SOST: variants seen among roughly 807,000 people sequenced by gnomAD.
SOST encodes the protein sclerostin, also known as sclerosteosis.
Under a neutral mutation model 16.7 loss-of-function variants are expected in SOST, and 14 were observed. The ratio of observed to expected loss-of-function variants is 0.84; its 90% confidence interval spans 0.55 to 1.31. The LOEUF is 1.31. Ranked by LOEUF, SOST falls within the 50% of genes most tolerant of loss-of-function variation. The pLI, the probability that SOST is intolerant of heterozygous loss-of-function variation, is 0.00. For synonymous variants in SOST, 150 were observed against 140.9 expected, an observed-to-expected ratio of 1.06 and a Z score of -0.46; for missense variants, 291 against 310.7, an observed-to-expected ratio of 0.94 and a Z score of 0.48.
At chr17:43,758,087 C>T (rs1263394508) in intron 1 of SOST, among the ~76,000 whole-genome samples, 4 of 152,196 alleles carry the variant, frequency 2.6e-5, no homozygotes, top group Non-Finnish European at 2.9e-5. Context: ...GGGACAGCCA[C>T]CACCAGCATA....
At position 43,758,666 on chromosome 17, in the gene SOST, AC is replaced by A. The variant is rs754804430; in HGVS notation, c.75del (p.Trp26GlyfsTer31). On this transcript the variant is annotated frameshift_variant, in exon 1 of 2. Coordinates refer to ENST00000301691, the MANE Select transcript of SOST (RefSeq NM_025237.3). LOFTEE classifies it high-confidence loss of function. ...HTAFRVVEGQ[G>X]WQAFKNDATE... ...GTGGCATCATTCTTGAACGCCTGCC[AC>A]CCCTGGCCCTCCACTACACGGAAGG... The A allele has an allele frequency of 2.5e-6, 4 of 1,613,410 alleles. No individual in the cohort carries two copies. Among genetic ancestry groups the A allele is most frequent in the Non-Finnish European group, 3.4e-6 (4 of 1,179,896 alleles).
chr17:43,758,772 C>G lies in SOST; in HGVS notation c.-31G>C. On this transcript the variant is annotated 5_prime_UTR_variant, in exon 1 of 2. Coordinates refer to ENST00000301691, the MANE Select transcript of SOST (RefSeq NM_025237.3). ...CAGCCAGAGGAGGGCACGCCACCTT[C>G]CAGTAGCACAGGCTCTGGTCTCCAG... The G allele has an allele frequency of 6.4e-7, 1 of 1,568,240 alleles. No individual in the cohort carries two copies. Among genetic ancestry groups the G allele is most frequent in the Non-Finnish European group, 8.8e-7 (1 of 1,142,268 alleles).
Position 43,755,781 on chromosome 17 carries a change from C to G in SOST, c.221-18G>C, listed in dbSNP as rs761809165. ...GGACACGTCTGTGGAGAGAGGCGCGCGTGAGGGTGGCCGCCCGCCTGGCCA... is the reference window on the plus strand; with the variant it reads ...GGACACGTCTGTGGAGAGAGGCGCGGGTGAGGGTGGCCGCCCGCCTGGCCA... On this transcript the variant is annotated intron_variant, in intron 1 of 1. Coordinates refer to ENST00000301691, the MANE Select transcript of SOST (RefSeq NM_025237.3). This position sits in a 1 kb window ranked among gnomAD's most constrained non-coding sequence, Gnocchi z 4.3. 3 of 1,566,872 alleles carry G rather than the reference C, an allele frequency of 1.9e-6. No individual in the cohort carries two copies. The highest frequency in any genetic ancestry group is 2.6e-6 in the Non-Finnish European group (3 of 1,165,996).
At chr17:43,757,888 C>G (rs564666086) in intron 1 of SOST, among the ~76,000 whole-genome samples, 2 of 152,326 alleles carry the variant, frequency 1.3e-5, no homozygotes, top group Admixed American at 6.5e-5. Flanking sequence ...TGGCCTTCCT[C>G]CCCACTGCTT....
In SOST at chr17:43,755,089, G is replaced by A; in HGVS notation, c.*253C>T. ...CCAGCAAAGGTAGGCGGCCCCAGAGGCGGGGCTGCGTGGCTCAGTGTCTGT... is the reference window on the plus strand; with the variant it reads ...CCAGCAAAGGTAGGCGGCCCCAGAGACGGGGCTGCGTGGCTCAGTGTCTGT... On this transcript the variant is annotated 3_prime_UTR_variant, in exon 2 of 2. Coordinates refer to ENST00000301691, the MANE Select transcript of SOST (RefSeq NM_025237.3). This position sits in a 1 kb window ranked among gnomAD's most constrained non-coding sequence, Gnocchi z 4.3. The A allele has an allele frequency of 2.1e-6, 1 of 469,048 alleles. No homozygotes were observed. 29.1% of individuals were successfully genotyped at this position (469,048 alleles called of 1,614,324 possible).
At position 43,755,295 on chromosome 17, in the gene SOST, G is replaced by T; in HGVS notation, c.*47C>A. The stretch of plus-strand genomic sequence containing the variant: ...GCAGAGGACAGAAATGTGGGGCGCG[G>T]GTTCAGGGCCGGGGCGCCCGCCGGT... On this transcript the variant is annotated 3_prime_UTR_variant, in exon 2 of 2. Transcript: ENST00000301691. The surrounding 1 kb of genome is among the most constrained non-coding windows in gnomAD (Gnocchi z 4.3). 1 of 1,464,884 alleles carries T rather than the reference G, an allele frequency of 6.8e-7. No homozygotes were observed. The highest frequency in any genetic ancestry group is 2.5e-5 in the East Asian group (1 of 40,540). The allele number at this position is 1,464,884 out of a possible 1,614,324, so 90.7% of individuals were successfully genotyped here.
At position 43,754,824 on chromosome 17, in the gene SOST, T is replaced by C. The variant is rs1470230064; in HGVS notation, c.*518A>G. ...TGGAAATTGAGGTCCCGAAGGAGAA[T>C]TGTGTAGTTCAAGGTTACACAGCAA... On this transcript the variant is annotated 3_prime_UTR_variant, in exon 2 of 2. Transcript: ENST00000301691. 6.5e-6 allele frequency: 1 copy of C among 152,866 alleles called. No homozygotes were observed. The highest frequency in any genetic ancestry group is 6.5e-5 in the Admixed American group (1 of 15,284). 9.5% of individuals were successfully genotyped at this position (152,866 alleles called of 1,614,324 possible). A position where few individuals can be genotyped will look rare whatever the true frequency, so the allele number is the denominator to read the frequency against.
At position 43,755,198 on chromosome 17, in the gene SOST, G is replaced by A; in HGVS notation, c.*144C>T. The A allele has an allele frequency of 4.9e-6, 4 of 823,386 alleles. No homozygotes were observed. Among genetic ancestry groups the A allele is most frequent in the Non-Finnish European group, 7.0e-6 (4 of 569,008 alleles). 51.0% of individuals were successfully genotyped at this position (823,386 alleles called of 1,614,324 possible). ...CTTGCCGGCGCCCGGGATTCCTCAG[G>A]GCCTGGAAGGTCTCAGCCCCCTGCC... is the stretch of plus-strand genomic sequence containing the variant. On this transcript the variant is annotated 3_prime_UTR_variant, in exon 2 of 2. Transcript: ENST00000301691. This position sits in a 1 kb window ranked among gnomAD's most constrained non-coding sequence, Gnocchi z 4.3.
intron 1 of SOST, among the ~76,000 whole-genome samples, chr17:43,757,414 T>A (rs1252306826): frequency 6.6e-6 from 1 of 152,162 alleles, no homozygotes; most frequent in Non-Finnish European, 1.5e-5. Flanking sequence ...TGGCCTCCCA[T>A]GCAGTTGCCC....
rs952704155 is a variant in SOST, at chr17:43,755,167, G to A, written c.*175C>T. The A allele has an allele frequency of 1.0e-5, 6 of 597,082 alleles. No homozygotes were observed. Among genetic ancestry groups the A allele is most frequent in the African/African-American group, 7.9e-5 (4 of 50,532 alleles). 37.0% of individuals were successfully genotyped at this position (597,082 alleles called of 1,614,324 possible). ...GGGACCCCTCAGCTGGCGGGCTGAGGGGGGCCTTGCCGGCGCCCGGGATTC... is the reference window on the plus strand; with the variant it reads ...GGGACCCCTCAGCTGGCGGGCTGAGAGGGGCCTTGCCGGCGCCCGGGATTC... On this transcript the variant is annotated 3_prime_UTR_variant, in exon 2 of 2. Coordinates refer to ENST00000301691, the MANE Select transcript of SOST (RefSeq NM_025237.3). The surrounding 1 kb of genome is among the most constrained non-coding windows in gnomAD (Gnocchi z 4.3).
At chr17:43,757,264 A>T (rs1163452692) in intron 1 of SOST, among the ~76,000 whole-genome samples, 1 of 152,198 alleles carries the variant, frequency 6.6e-6, no homozygotes, top group African/African-American at 2.4e-5. Context: ...CTCTCGTGGG[A>T]GTCCAGCAAG....
chr17:43,758,619 T>C lies in SOST; in HGVS notation c.123A>G (p.Gly41=). 6.2e-7 allele frequency: 1 copy of C among 1,614,078 alleles called. No individual in the cohort carries two copies. The highest frequency in any genetic ancestry group is 8.5e-7 in the Non-Finnish European group (1 of 1,179,996). The stretch of plus-strand genomic sequence containing the variant: ...GCTCCGGTGGAGGCTCGGGGTACTC[T>C]CCGAGCTCGGGGATGATTTCCGTGG... The part of the protein sequence containing the change: ...NDATEIIPEL[G]EYPEPPPELE... Residue 41 remains glycine (G), a synonymous_variant, in exon 1 of 2, where the codon GGA becomes GGG. Coordinates refer to ENST00000301691, the MANE Select transcript of SOST (RefSeq NM_025237.3).
Position 43,755,738 on chromosome 17 carries a change from C to T in SOST, c.246G>A (p.Glu82=), listed in dbSNP as rs1974123695. ...CGGTCACGTAGCGGGTGAAGTGCAG[C>T]TCGCGGCAGCTGTACTCGGACACGT... is the stretch of plus-strand genomic sequence containing the variant. ...TKDVSEYSCR[E]LHFTRYVTDG... Residue 82 remains glutamate, a synonymous_variant, in exon 2 of 2, where the codon GAG becomes GAA. Transcript: ENST00000301691. The surrounding 1 kb of genome is among the most constrained non-coding windows in gnomAD (Gnocchi z 4.3). 2 of 1,580,086 alleles carry T rather than the reference C, an allele frequency of 1.3e-6. No individual in the cohort carries two copies. Among genetic ancestry groups the T allele is most frequent in the Non-Finnish European group, 1.7e-6 (2 of 1,171,660 alleles).
Position 43,754,683 on chromosome 17 carries a change from CTCTT to C in SOST, c.*655_*658del, listed in dbSNP as rs904260854. 11 of 152,144 alleles carry C rather than the reference CTCTT, an allele frequency of 7.2e-5. No homozygotes were observed. Among genetic ancestry groups the C allele is most frequent in the African/African-American group, 2.2e-4 (9 of 41,410 alleles). The allele number at this position is 152,144 out of a possible 1,614,324, so 9.4% of individuals were successfully genotyped here. ...ATCAATGCAACTGCATTCATTCTCT[CTCTT>C]TCTCTCTCTCTCTCTCACCTCTGCC... On this transcript the variant is annotated 3_prime_UTR_variant, in exon 2 of 2. Transcript: ENST00000301691.
rs537319507 is a variant in SOST at position 43,758,511 on chromosome 17, C to A, written c.220+11G>T. Reference sequence around the variant, plus strand: ...GATCTTTTACTAAGAATTCTCTCCTCCACCCCATACCTTTGGTCTCAAAGG... The same window carrying A: ...GATCTTTTACTAAGAATTCTCTCCTACACCCCATACCTTTGGTCTCAAAGG... On this transcript the variant is annotated intron_variant, in intron 1 of 1. Transcript: ENST00000301691. The A allele has an allele frequency of 1.2e-6, 2 of 1,606,748 alleles. No individual in the cohort carries two copies. Among genetic ancestry groups the A allele is most frequent in the East Asian group, 4.5e-5 (2 of 44,804 alleles).
chr17:43,758,490 T>C, intron 1 of SOST, 32 bp downstream of exon 1: 1 of 1,570,670 alleles, frequency 6.4e-7, no homozygotes. Context: ...CCCCAGGATC[T>C]TTTACTAAGA....
In SOST at chr17:43,755,022, G is replaced by A. The variant is rs17883310; in HGVS notation, c.*320C>T. 5,006 of 353,596 alleles carry A rather than the reference G, an allele frequency of 0.014. 53 individuals carry two copies. Among genetic ancestry groups the A allele is most frequent in the Non-Finnish European group, 0.019 (3,661 of 197,242 alleles). The allele number at this position is 353,596 out of a possible 1,614,324, so 21.9% of individuals were successfully genotyped here. Reference sequence around the variant, plus strand: ...CCACACCGCTCCCTTAAAACCCCAGGGCGGTGAAAATGCTTCCATTTCTGC... The same window carrying A: ...CCACACCGCTCCCTTAAAACCCCAGAGCGGTGAAAATGCTTCCATTTCTGC... On this transcript the variant is annotated 3_prime_UTR_variant, in exon 2 of 2. Coordinates refer to ENST00000301691, the MANE Select transcript of SOST (RefSeq NM_025237.3). This position sits in a 1 kb window ranked among gnomAD's most constrained non-coding sequence, Gnocchi z 4.3.
Position 43,755,650 on chromosome 17 carries a change from C to T in SOST, c.334G>A (p.Ala112Thr), listed in dbSNP as rs763910005. The change falls in exon 2 of 2, where the codon GCG (alanine) becomes ACG (threonine). Residue 112 changes from alanine to threonine, a missense_variant. Ala to Thr is a moderately conservative substitution (Grantham distance 58). Coordinates refer to ENST00000301691, the MANE Select transcript of SOST (RefSeq NM_025237.3). The surrounding 1 kb of genome is among the most constrained non-coding windows in gnomAD (Gnocchi z 4.3). ...CCGATGGCGTTGGGCAGCAGGCGCG[C>T]CGGGCCGCACTGGCCGGAGCACACC... ...ELVCSGQCGPARLLPNAIGRG... is the reference protein window; with the variant it reads ...ELVCSGQCGPTRLLPNAIGRG... 6.4e-7 allele frequency: 1 copy of T among 1,569,078 alleles called. No individual in the cohort carries two copies. Among genetic ancestry groups the T allele is most frequent in the Admixed American group, 1.8e-5 (1 of 55,066 alleles).
In SOST at chr17:43,758,658, C is replaced by T. The variant is rs111517112; in HGVS notation, c.84G>A (p.Ala28=). The change falls in exon 1 of 2, where the codon GCG becomes GCA. Residue 28 remains alanine (A), a synonymous_variant. Coordinates refer to ENST00000301691, the MANE Select transcript of SOST (RefSeq NM_025237.3). Reference sequence around the variant, plus strand: ...TGATTTCCGTGGCATCATTCTTGAACGCCTGCCACCCCTGGCCCTCCACTA... The same window carrying T: ...TGATTTCCGTGGCATCATTCTTGAATGCCTGCCACCCCTGGCCCTCCACTA... ...FRVVEGQGWQ[A]FKNDATEIIP... is the part of the protein sequence containing the mutation. 9.9e-6 allele frequency: 16 copies of T among 1,614,144 alleles called. No homozygotes were observed. The highest frequency in any genetic ancestry group is 4.5e-5 in the East Asian group (2 of 44,868).
Sources: gnomAD v4.1 joint callset for allele counts (sites outside exome capture counted in the v4.1 genomes callset) on GRCh38, gnomAD v4.1.1 for gene constraint, Gnocchi (gnomAD v3.1) non-coding constraint, MANE v1.5 for transcripts, NCBI Gene and HGNC (gene_info 2026-07-23, HGNC 2026-07-21) for gene names.